The following SLC28A3 variants were observed in gnomAD, a reference collection of about 807,000 sequenced individuals.
SLC28A3 encodes the protein concentrative Na(+)-nucleoside cotransporter 3.
In SLC28A3, 68 loss-of-function variants were observed where a neutral mutation model predicts 84.2. That is an observed-to-expected ratio of 0.81 (90% CI 0.66 to 0.99). The LOEUF (loss-of-function observed/expected upper bound fraction) is 0.99, where lower values mean the gene tolerates loss of function less well. Ranked by LOEUF, SLC28A3 falls within the 50% of genes least tolerant of loss-of-function variation. The pLI is 0.00. For synonymous variants in SLC28A3, 267 were observed against 303.6 expected (o/e 0.88, Z 1.25); for missense variants, 712 against 841.5 (o/e 0.85, Z 1.90).
chr9:84,304,386 T>C (rs1031787677), intron 4 of SLC28A3, among the ~76,000 whole-genome samples: 9 of 151,836 alleles, frequency 5.9e-5, no homozygotes, highest in Non-Finnish European at 1.2e-4. Flanking sequence ...TTACGTTTTA[T>C]AGACAGGAGT....
At position 84,278,042 on chromosome 9, in the gene SLC28A3, A is replaced by T; in HGVS notation, c.*176T>A. The T allele has an allele frequency of 2.6e-6, 2 of 771,432 alleles. No homozygotes were observed. Among genetic ancestry groups the T allele is most frequent in the Non-Finnish European group, 3.9e-6 (2 of 509,138 alleles). The allele number at this position is 771,432 out of a possible 1,614,324, so 47.8% of individuals were successfully genotyped here. On this transcript the variant is annotated 3_prime_UTR_variant, in exon 18 of 18. Coordinates refer to ENST00000376238, the MANE Select transcript of SLC28A3 (RefSeq NM_001199633.2). Reference sequence around the variant, plus strand: ...GAAGGGGCTGGTGGGGAGGGAGGGGAGGAGGAAAATGTTGTAGCTTTGAAG... The same window carrying T: ...GAAGGGGCTGGTGGGGAGGGAGGGGTGGAGGAAAATGTTGTAGCTTTGAAG...
chr9:84,297,947 G>T lies in SLC28A3; in HGVS notation c.742C>A (p.Pro248Thr). ...LLGLLILRTDPGFIAFDWLGR... is the reference protein window; with the variant it reads ...LLGLLILRTDTGFIAFDWLGR... ...AACCAATCAAAAGCTATAAATCCAG[G>T]GTCAGTCCTTAGAATCAAGAGCCCA... The change falls in exon 7 of 18, where the codon CCT becomes ACT. Residue 248 changes from proline to threonine, a missense_variant. Pro to Thr is a conservative substitution (Grantham distance 38). Transcript: ENST00000376238. 1 of 1,611,406 alleles carries T rather than the reference G, an allele frequency of 6.2e-7. No individual in the cohort carries two copies. Among genetic ancestry groups the T allele is most frequent in the Non-Finnish European group, 8.5e-7 (1 of 1,179,474 alleles).
intron 1 of SLC28A3, among the ~76,000 whole-genome samples, chr9:84,314,476 C>A (rs1046739819): frequency 2.0e-5 from 3 of 152,156 alleles, no homozygotes; most frequent in Admixed American, 6.5e-5. Flanking sequence ...TCTTCAAAGA[C>A]CAAGTGTATG....
chr9:84,291,432 G>T (rs1003232165), intron 10 of SLC28A3, among the ~76,000 whole-genome samples: 1 of 152,162 alleles, frequency 6.6e-6, no homozygotes, highest in Non-Finnish European at 1.5e-5. Flanking sequence ...CACCTCCTGG[G>T]TTCAAGCAAT....
At chr9:84,331,454 G>C (rs1342647510) in intron 1 of SLC28A3, among the ~76,000 whole-genome samples, 1 of 152,136 alleles carries the variant, frequency 6.6e-6, no homozygotes, top group Admixed American at 6.5e-5. Context: ...ACTCCAGCAG[G>C]TTTGGATCCC....
chr9:84,334,943 T>C (rs1201158109), intron 1 of SLC28A3, among the ~76,000 whole-genome samples: 1 of 152,150 alleles, frequency 6.6e-6, no homozygotes, highest in African/African-American at 2.4e-5. Context: ...GCCCCTCTCC[T>C]GGTTCTGCTG....
At chr9:84,339,536 C>A (rs1489337308) in intron 1 of SLC28A3, among the ~76,000 whole-genome samples, 1 of 152,188 alleles carries the variant, frequency 6.6e-6, no homozygotes, top group Non-Finnish European at 1.5e-5. Flanking sequence ...AGGCATGAGG[C>A]ACCACTGCCA....
At chr9:84,313,023 T>C (rs1047661678) in intron 2 of SLC28A3, among the ~76,000 whole-genome samples, 1 of 152,212 alleles carries the variant, frequency 6.6e-6, no homozygotes, top group African/African-American at 2.4e-5. Context: ...TTCAGAACCA[T>C]AGTAGAGGGT....
Position 84,276,990 on chromosome 9 carries a change from A to G in SLC28A3, c.*1228T>C, listed in dbSNP as rs1411949949. ...GCATTTCGTTAAAGAGCACACCACC[A>G]TTGTCTCTGGAATCTTTTTCTTAGA... On this transcript the variant is annotated 3_prime_UTR_variant, in exon 18 of 18. Coordinates refer to ENST00000376238, the MANE Select transcript of SLC28A3 (RefSeq NM_001199633.2). 1 of 152,198 alleles carries G rather than the reference A, an allele frequency of 6.6e-6. No homozygotes were observed. Among genetic ancestry groups the G allele is most frequent in the African/African-American group, 2.4e-5 (1 of 41,452 alleles). The allele number at this position is 152,198 out of a possible 1,614,324, so 9.4% of individuals were successfully genotyped here.
chr9:84,339,982 A>T (rs1452834001), intron 1 of SLC28A3, among the ~76,000 whole-genome samples: 1 of 152,170 alleles, frequency 6.6e-6, no homozygotes, highest in Non-Finnish European at 1.5e-5. Flanking sequence ...AGCACACCTA[A>T]AAACAGCCCT....
rs183623117 is a variant in SLC28A3 at position 84,300,412 on chromosome 9, A to T, written c.525-687T>A. 1.2e-4 allele frequency among the ~76,000 whole-genome samples: 18 copies of T among 152,276 alleles called. No homozygotes were observed. In the East Asian group the frequency reaches 3.3e-3, roughly 28 times the overall value. ...TGCTTCCATTTAAGGAAGAACTTGG[A>T]ATATGTTATCTGCCCTTGGGGGACC... On this transcript the variant is annotated intron_variant, in intron 5 of 17. Transcript: ENST00000376238.
At chr9:84,337,981 G>C (rs1827040418) in intron 1 of SLC28A3, among the ~76,000 whole-genome samples, 1 of 152,110 alleles carries the variant, frequency 6.6e-6, no homozygotes, top group African/African-American at 2.4e-5. Flanking sequence ...AACAGCAATT[G>C]GTGCTCCCTT....
upstream of SLC28A3, among the ~76,000 whole-genome samples, chr9:84,343,239 G>T (rs1245170788): frequency 6.6e-6 from 1 of 152,032 alleles, no homozygotes; most frequent in Non-Finnish European, 1.5e-5. Context: ...CCCGGGCACA[G>T]GGTTGAGTGG....
chr9:84,361,904 G>A, the SLC28A3 span, among the ~76,000 whole-genome samples: 5 of 139,466 alleles, frequency 3.6e-5, no homozygotes, highest in Non-Finnish European at 7.7e-5. Flanking sequence ...GCAAGAGTCT[G>A]TCTCTAAAAA....
At chr9:84,329,960 G>A (rs1826714606) in intron 1 of SLC28A3, among the ~76,000 whole-genome samples, 1 of 152,086 alleles carries the variant, frequency 6.6e-6, no homozygotes, top group Admixed American at 6.6e-5. Flanking sequence ...AATTGTAATT[G>A]CTTATATTAT....
In SLC28A3 at chr9:84,302,372, T is replaced by A; in HGVS notation, c.352A>T (p.Ile118Phe). Residue 118 changes from isoleucine to phenylalanine, a missense_variant, in exon 5 of 18, where the codon ATT becomes TTT. Transcript: ENST00000376238. Reference sequence around the variant, plus strand: ...TGAAAGTTCAGCACACAGGCCGAAATCACCATAACCAGATAACCTGTCCAG... The same window carrying A: ...TGAAAGTTCAGCACACAGGCCGAAAACACCATAACCAGATAACCTGTCCAG... ...ILLAGYLVMV[I>F]SACVLNFHRA... The A allele has an allele frequency of 6.2e-7, 1 of 1,613,714 alleles. No individual in the cohort carries two copies. Among genetic ancestry groups the A allele is most frequent in the Non-Finnish European group, 8.5e-7 (1 of 1,179,880 alleles).
intron 3 of SLC28A3, among the ~76,000 whole-genome samples, chr9:84,309,370 A>AATGTATTTTAC (rs1825904025): frequency 2.0e-5 from 3 of 151,836 alleles, no homozygotes; most frequent in Non-Finnish European, 4.4e-5. Flanking sequence ...TAAAAATACA[A>AATGTATTTTAC]AAATTAGCCA....
chr9:84,284,595 TTCA>T (rs1236562473), intron 14 of SLC28A3, among the ~76,000 whole-genome samples: 2 of 152,226 alleles, frequency 1.3e-5, no homozygotes, highest in African/African-American at 4.8e-5. Flanking sequence ...CTCAGGAATG[TTCA>T]TCATTTCCTT....
chr9:84,308,358 C>T (rs1418021310), intron 3 of SLC28A3, among the ~76,000 whole-genome samples: 3 of 152,108 alleles, frequency 2.0e-5, no homozygotes, highest in Non-Finnish European at 4.4e-5. Flanking sequence ...CCAGCCTGGC[C>T]AACATGGTGA....
Sources: gnomAD v4.1 joint callset for allele counts (sites outside exome capture counted in the v4.1 genomes callset) on GRCh38, gnomAD v4.1.1 for gene constraint, MANE v1.5 for transcripts, NCBI Gene and HGNC (gene_info 2026-07-23, HGNC 2026-07-21) for gene names.